ATXN2: variants seen among roughly 807,000 people sequenced by gnomAD.
The protein encoded by ATXN2 is ataxin-2.
ATXN2 carries 37 observed loss-of-function variants against 138.6 expected under a neutral mutation model. That is an observed-to-expected ratio of 0.27 (90% CI 0.21 to 0.35). ATXN2 has a LOEUF of 0.35. ATXN2 is among the 10% of genes least tolerant of loss of function. The pLI is 1.00. For synonymous variants in ATXN2, 549 were observed against 543.7 expected, an observed-to-expected ratio of 1.01 and a Z score of -0.13; for missense variants, 1,216 against 1,480.3, an observed-to-expected ratio of 0.82 and a Z score of 2.93.
intron 14 of ATXN2, among the ~76,000 whole-genome samples, chr12:111,502,059 T>C (rs1305777414): frequency 3.3e-5 from 5 of 152,148 alleles, no homozygotes; most frequent in African/African-American, 1.2e-4. Flanking sequence ...ACCTGGCTAA[T>C]GTGTGTATTT....
At chr12:111,563,679 AT>A (rs1321542643) in intron 1 of ATXN2, among the ~76,000 whole-genome samples, 9 of 152,354 alleles carry the variant, frequency 5.9e-5, no homozygotes, top group African/African-American at 1.9e-4. Flanking sequence ...TCTTTATAAT[AT>A]CTTTGCAATT....
intron 18 of ATXN2, chr12:111,471,274 T>C (rs1409882599): frequency 1.3e-5 from 2 of 154,334 alleles, no homozygotes; most frequent in African/African-American, 4.8e-5. Flanking sequence ...TTCTAAATAA[T>C]AGTTCTTTTA....
rs752721284 is a variant in ATXN2, at chr12:111,456,172, T to C, written c.3127A>G (p.Thr1043Ala). The C allele has an allele frequency of 3.1e-6, 5 of 1,614,002 alleles. No homozygotes were observed. Among genetic ancestry groups the C allele is most frequent in the Admixed American group, 1.7e-5 (1 of 59,996 alleles). ...GAGGCAGGTGTCATGGAGGGTGGAG[T>C]TGGCGCAAGCCCCGCGTGGTAAATG... Reference protein sequence around the residue: ...SAIYHAGLAPTPPSMTPASNT... With the variant: ...SAIYHAGLAPAPPSMTPASNT... The change falls in exon 23 of 25, where the codon ACT (threonine) becomes GCT (alanine). Residue 1043 changes from threonine (T) to alanine (A), a missense_variant. Coordinates refer to ENST00000673436, the MANE Select transcript of ATXN2 (RefSeq NM_001372574.1).
intron 21 of ATXN2, among the ~76,000 whole-genome samples, chr12:111,461,859 T>C (rs779674548): frequency 7.3e-5 from 11 of 150,430 alleles, no homozygotes; most frequent in Non-Finnish European, 1.3e-4. Context: ...GAGGCGGAGG[T>C]TGCAGTGAGC....
At chr12:111,597,906 C>T in intron 1 of ATXN2, 1 of 1,280,514 alleles carries the variant, frequency 7.8e-7, no homozygotes, top group Non-Finnish European at 1.0e-6. Flanking sequence ...TGGGTCCAGC[C>T]CTCACCCACC....
Position 111,586,689 on chromosome 12 carries a change from T to C in ATXN2, c.251+12095A>G, listed in dbSNP as rs897883679. 4.6e-5 allele frequency among the ~76,000 whole-genome samples: 7 copies of C among 151,958 alleles called. 1 individual carries two copies. Among genetic ancestry groups the C allele is most frequent in the Admixed American group, 2.0e-4 (3 of 15,192 alleles). On this transcript the variant is annotated intron_variant, in intron 1 of 24. Coordinates refer to ENST00000673436, the MANE Select transcript of ATXN2 (RefSeq NM_001372574.1). ...GGGTGAGCCACCACGCCCGGCCCTTTTTCTGTTTTTCAGTAGAGACAGGGT... is the reference window on the plus strand; with the variant it reads ...GGGTGAGCCACCACGCCCGGCCCTTCTTCTGTTTTTCAGTAGAGACAGGGT...
At chr12:111,597,874 C>G (rs1189775006) in intron 1 of ATXN2, 2 of 1,288,644 alleles carry the variant, frequency 1.6e-6, no homozygotes, top group African/African-American at 1.5e-5. Context: ...GCACCGCCAC[C>G]CCGGATCTCC....
At chr12:111,460,174 C>T (rs962163123) in intron 21 of ATXN2, among the ~76,000 whole-genome samples, 6 of 152,130 alleles carry the variant, frequency 3.9e-5, no homozygotes, top group Non-Finnish European at 7.4e-5. Context: ...CTCTGCCTCC[C>T]GGGTTCAAGC....
chr12:111,477,341 G>A (rs1049475060), intron 18 of ATXN2, among the ~76,000 whole-genome samples: 10 of 151,850 alleles, frequency 6.6e-5, no homozygotes, highest in Non-Finnish European at 1.2e-4. Context: ...TAACAAGATC[G>A]AGACTCTTGT....
chr12:111,496,291 G>C (rs1223554470), intron 14 of ATXN2, among the ~76,000 whole-genome samples: 3 of 152,154 alleles, frequency 2.0e-5, no homozygotes, highest in African/African-American at 7.2e-5. Context: ...CAGCACTTTA[G>C]GAGGCCAAGG....
chr12:111,588,485 G>C (rs550471925), intron 1 of ATXN2, among the ~76,000 whole-genome samples: 1 of 152,024 alleles, frequency 6.6e-6, no homozygotes, highest in African/African-American at 2.4e-5. Flanking sequence ...AGCCAGGCGA[G>C]ATGGTGCGTG....
upstream of ATXN2, chr12:111,599,376 G>T (rs948625674): frequency 5.6e-4 from 656 of 1,162,540 alleles, no homozygotes; most frequent in South Asian, 1.6e-3. Flanking sequence ...TACGGTCCCG[G>T]GGCCGCGCCA....
rs572368533 is a variant in ATXN2, at chr12:111,497,014, G to C, written c.1936-8234C>G. On this transcript the variant is annotated intron_variant, in intron 14 of 24. Transcript: ENST00000673436. Reference sequence around the variant, plus strand: ...AGAAAACCCAAATAATAAAATGAGAGATGAAAAAGGAGACATTATAATTGT... The same window carrying C: ...AGAAAACCCAAATAATAAAATGAGACATGAAAAAGGAGACATTATAATTGT... 9.9e-5 allele frequency among the ~76,000 whole-genome samples: 15 copies of C among 151,840 alleles called. No homozygotes were observed. In the South Asian group the frequency reaches 3.1e-3, roughly 32 times the overall value.
In ATXN2 at chr12:111,456,017, A is replaced by G. The variant is rs780357421; in HGVS notation, c.3270+12T>C. The G allele has an allele frequency of 1.2e-6, 2 of 1,613,278 alleles. No homozygotes were observed. The highest frequency in any genetic ancestry group is 2.2e-5 in the South Asian group (2 of 91,050). On this transcript the variant is annotated intron_variant, in intron 23 of 24. Coordinates refer to ENST00000673436, the MANE Select transcript of ATXN2 (RefSeq NM_001372574.1). ...TTGGCCTTCACAGAAAGTTGGCTAA[A>G]GCTGGTATTACCTGAGGTACGTGGG...
chr12:111,597,989 G>C, intron 1 of ATXN2: 1 of 1,205,970 alleles, frequency 8.3e-7, no homozygotes, highest in Non-Finnish European at 1.1e-6. Context: ...GCGCGCCGGA[G>C]AGGTCTGGCG....
intron 6 of ATXN2, among the ~76,000 whole-genome samples, chr12:111,521,469 C>T (rs1038007247): frequency 6.6e-6 from 1 of 152,194 alleles, no homozygotes; most frequent in Non-Finnish European, 1.5e-5. Flanking sequence ...AACGCTTTCC[C>T]TCATATTCAA....
At chr12:111,466,117 G>A (rs1875994328) in intron 20 of ATXN2, among the ~76,000 whole-genome samples, 1 of 150,688 alleles carries the variant, frequency 6.6e-6, no homozygotes. Flanking sequence ...AGGGAGCTGA[G>A]ATCGCGCCAC....
At chr12:111,556,357 C>CA (rs937918386) in intron 1 of ATXN2, among the ~76,000 whole-genome samples, 15 of 152,052 alleles carry the variant, frequency 9.9e-5, no homozygotes, top group African/African-American at 3.4e-4. Flanking sequence ...GCCTGGGCGA[C>CA]AAAGCAAGAC....
intron 10 of ATXN2, among the ~76,000 whole-genome samples, chr12:111,513,961 G>A (rs533867075): frequency 2.0e-5 from 3 of 151,238 alleles, no homozygotes; most frequent in Admixed American, 6.6e-5. Context: ...TCCCTGACCC[G>A]AATTTTCTAC....
Sources: allele counts gnomAD v4.1 joint callset (sites outside exome capture counted in the v4.1 genomes callset), GRCh38; gene constraint gnomAD v4.1.1; transcripts MANE v1.5; gene names NCBI Gene and HGNC (gene_info 2026-07-23, HGNC 2026-07-21).